The following PSD3 variants were observed in gnomAD, a reference collection of about 807,000 sequenced individuals.
PSD3 encodes the protein pleckstrin and Sec7 domain containing 3.
A neutral mutation model predicts 105.5 loss-of-function variants in PSD3; 49 were observed. That is an observed-to-expected ratio of 0.46 (90% CI 0.37 to 0.59). The LOEUF (loss-of-function observed/expected upper bound fraction) is 0.59, where lower values mean the gene tolerates loss of function less well. Among genes scored for constraint, PSD3 ranks in the 20% least tolerant of loss-of-function variants. The probability of loss-of-function intolerance (pLI) is 0.00; values close to 1 mark genes in which losing one functional copy is unlikely to be tolerated. For synonymous variants in PSD3, 557 were observed against 457.8 expected (o/e 1.22, Z -2.77); for missense variants, 1,561 against 1,263.8 (o/e 1.24, Z -3.57).
chr8:18,570,018 C>T (rs1802035864), intron 14 of PSD3, among the ~76,000 whole-genome samples: 1 of 19,814 alleles, frequency 5.0e-5, no homozygotes, highest in African/African-American at 1.0e-4. Flanking sequence ...ATCGCCAAGT[C>T]AATCCTAAGC....
At chr8:18,618,773 T>A (rs549601583) in intron 11 of PSD3, among the ~76,000 whole-genome samples, 1 of 152,090 alleles carries the variant, frequency 6.6e-6, no homozygotes, top group South Asian at 2.1e-4. Context: ...CTTAACATCC[T>A]GGGCTCAAGC....
chr8:18,639,556 T>A (rs145559394), intron 10 of PSD3, among the ~76,000 whole-genome samples: 1 of 152,138 alleles, frequency 6.6e-6, no homozygotes, highest in African/African-American at 2.4e-5. Context: ...TCTAACAATA[T>A]TGATGTCCTT....
At chr8:18,767,203 A>C (rs1384220522) in intron 8 of PSD3, among the ~76,000 whole-genome samples, 1 of 152,238 alleles carries the variant, frequency 6.6e-6, no homozygotes, top group Non-Finnish European at 1.5e-5. Context: ...TAGAAAATCC[A>C]AACTACAAAA....
rs189664159 is a variant in PSD3, at chr8:18,723,761, A to G, written c.2172+41688T>C. Among the ~76,000 whole-genome samples, 16 of 152,352 alleles carry G rather than the reference A, an allele frequency of 1.1e-4. 1 individual carries two copies. In the East Asian group the frequency reaches 3.1e-3, roughly 29 times the overall value. On this transcript the variant is annotated intron_variant, in intron 9 of 15. Coordinates refer to ENST00000327040, the MANE Select transcript of PSD3 (RefSeq NM_015310.4). The stretch of plus-strand genomic sequence containing the variant: ...AAAATAAACTATCATATGAAAGCCA[A>G]GTACATAAAAATAAATACATTTTAA...
chr8:18,600,535 G>T, intron 11 of PSD3, 101 bp from the exon 12 acceptor site: 2 of 956,764 alleles, frequency 2.1e-6, no homozygotes, highest in Non-Finnish European at 3.2e-6. Flanking sequence ...ATTCTACCTA[G>T]CTACCGAAAG....
intron 9 of PSD3, among the ~76,000 whole-genome samples, chr8:18,737,404 A>T (rs1804233515): frequency 6.6e-6 from 1 of 152,148 alleles, no homozygotes; most frequent in Admixed American, 6.5e-5. Context: ...TGGCTCATGC[A>T]GCCTTGGCTT....
chr8:18,806,367 G>A (rs747216794), intron 4 of PSD3, among the ~76,000 whole-genome samples: 6 of 152,196 alleles, frequency 3.9e-5, no homozygotes, highest in East Asian at 1.9e-4. Flanking sequence ...CAGGCAACAC[G>A]TTGAGAACTC....
intron 1 of PSD3, among the ~76,000 whole-genome samples, chr8:19,071,720 C>T (rs1175200352): frequency 1.3e-5 from 2 of 151,822 alleles, no homozygotes; most frequent in Non-Finnish European, 2.9e-5. Context: ...ACTTCTTCTT[C>T]TTCTTCTTTT....
chr8:18,899,871 A>G (rs548467785), intron 2 of PSD3, among the ~76,000 whole-genome samples: 2 of 152,316 alleles, frequency 1.3e-5, no homozygotes, highest in East Asian at 3.9e-4. Flanking sequence ...ATTCCTCATC[A>G]TAAATCCAAC....
Position 18,552,841 on chromosome 8 carries a change from G to A in PSD3, c.2928+3368C>T, listed in dbSNP as rs145083946. On this transcript the variant is annotated intron_variant, in intron 15 of 15. Coordinates refer to ENST00000327040, the MANE Select transcript of PSD3 (RefSeq NM_015310.4). ...CAATTCAGTAACATCCCTTCGCTTA[G>A]AGTTAAGTCAATGAAGAGAGCCCAT... is the stretch of plus-strand genomic sequence containing the variant. Among the ~76,000 whole-genome samples, 393 of 152,254 alleles carry A rather than the reference G, an allele frequency of 2.6e-3. 1 individual carries two copies. The highest frequency in any genetic ancestry group is 8.8e-3 in the African/African-American group (366 of 41,550).
chr8:18,993,738 C>T (rs773176975), intron 1 of PSD3, among the ~76,000 whole-genome samples: 13 of 151,816 alleles, frequency 8.6e-5, no homozygotes, highest in Non-Finnish European at 1.6e-4. Flanking sequence ...CAATTTAAAT[C>T]GAAGATCAAT....
intron 10 of PSD3, among the ~76,000 whole-genome samples, chr8:18,646,233 C>G (rs1048946121): frequency 6.6e-6 from 1 of 152,080 alleles, no homozygotes; most frequent in Non-Finnish European, 1.5e-5. Context: ...AAAGTTCCCT[C>G]ATAAATGTCT....
intron 1 of PSD3, among the ~76,000 whole-genome samples, chr8:18,984,646 A>G (rs1825407919): frequency 6.6e-6 from 1 of 152,226 alleles, no homozygotes; most frequent in African/African-American, 2.4e-5. Context: ...ACCAAATTGT[A>G]TTATAATTCC....
chr8:18,988,276 C>T (rs981365173), intron 1 of PSD3, among the ~76,000 whole-genome samples: 1 of 152,008 alleles, frequency 6.6e-6, no homozygotes, highest in Non-Finnish European at 1.5e-5. Context: ...CCACTAGAAT[C>T]GTGTAGTAAA....
At chr8:18,694,410 A>C (rs1012720950) in intron 9 of PSD3, among the ~76,000 whole-genome samples, 5 of 152,246 alleles carry the variant, frequency 3.3e-5, no homozygotes, top group African/African-American at 1.2e-4. Context: ...GCAGATCGAG[A>C]CCATCCTGGC....
chr8:19,038,103 T>C (rs1315208338), intron 1 of PSD3, among the ~76,000 whole-genome samples: 1 of 152,044 alleles, frequency 6.6e-6, no homozygotes, highest in Non-Finnish European at 1.5e-5. Flanking sequence ...GCAGTGCTTA[T>C]CAAACCATAT....
Position 18,871,865 on chromosome 8 carries a change from G to T in PSD3, c.999C>A (p.Asp333Glu), listed in dbSNP as rs772226951. Reference sequence around the variant, plus strand: ...GTGGCACTTTGGAAGACTCTTTGCTGTCAGGAGAGGCTGTTCTTTGCAGTG... The same window carrying T: ...GTGGCACTTTGGAAGACTCTTTGCTTTCAGGAGAGGCTGTTCTTTGCAGTG... ...ETSLQRTASP[D>E]SKESSKVPRH... The change falls in exon 3 of 16, where the codon GAC becomes GAA. Residue 333 changes from aspartate (D) to glutamate (E), a missense_variant. By Grantham distance (45) the Asp-to-Glu change is conservative. Coordinates refer to ENST00000327040, the MANE Select transcript of PSD3 (RefSeq NM_015310.4). 1 of 1,614,224 alleles carries T rather than the reference G, an allele frequency of 6.2e-7. No homozygotes were observed. Among genetic ancestry groups the T allele is most frequent in the East Asian group, 2.2e-5 (1 of 44,888 alleles).
In PSD3 at chr8:18,669,710, T is replaced by G. The variant is rs116788960; in HGVS notation, c.2173-14025A>C. Among the ~76,000 whole-genome samples, 867 of 152,362 alleles carry G rather than the reference T, an allele frequency of 5.7e-3. 9 individuals are homozygous for G. The highest frequency in any genetic ancestry group is 0.02 in the African/African-American group (834 of 41,584). The stretch of plus-strand genomic sequence containing the variant: ...TTTGTCTCTAAAATTTTCCTTTTAA[T>G]GTTTTTGGACGATGTTTGATGGCAG... On this transcript the variant is annotated intron_variant, in intron 9 of 15. Transcript: ENST00000327040.
chr8:18,705,671 G>T (rs1422145219), intron 9 of PSD3, among the ~76,000 whole-genome samples: 4 of 150,742 alleles, frequency 2.7e-5, no homozygotes, highest in Admixed American at 2.7e-4. Context: ...AGGTAAAAAA[G>T]AAGACCACAC....
Sources: gnomAD v4.1 joint callset for allele counts (sites outside exome capture counted in the v4.1 genomes callset) on GRCh38, gnomAD v4.1.1 for gene constraint, MANE v1.5 for transcripts, NCBI Gene and HGNC (gene_info 2026-07-23, HGNC 2026-07-21) for gene names.